Variants in INCENP observed in about 807,000 individuals in gnomAD.
INCENP encodes inner centromere protein, also known as binds and activates aurora-B and -C in vivo and in vitro.
In INCENP, 43 loss-of-function variants were observed where a neutral mutation model predicts 107.3. That is an observed-to-expected ratio of 0.40 (90% CI 0.31 to 0.52). The LOEUF is 0.52. Among genes scored for constraint, INCENP ranks in the 20% least tolerant of loss-of-function variants. The pLI is 0.53. For synonymous variants in INCENP, 488 were observed against 494.4 expected (o/e 0.99, Z 0.17); for missense variants, 1,089 against 1,250.9 (o/e 0.87, Z 1.95).
Position 62,138,991 on chromosome 11 carries a change from C to G in INCENP, c.1277C>G (p.Ser426Cys). 1.2e-6 allele frequency: 2 copies of G among 1,613,408 alleles called. No homozygotes were observed. Among genetic ancestry groups the G allele is most frequent in the South Asian group, 2.2e-5 (2 of 91,072 alleles). ...GCAGCCAGCAGCCCGGAAACACCCT[C>G]TGCAGGGCAGCAAGGTGAGGCTTCC... ...KPAASSPETP[S>C]AGQQEAKTDQ... is the part of the protein sequence containing the mutation. The change falls in exon 7 of 19, where the codon TCT (serine) becomes TGT (cysteine). Residue 426 changes from serine (S) to cysteine (C), a missense_variant. By Grantham distance (112) the Ser-to-Cys change is moderately radical. Coordinates refer to ENST00000394818, the MANE Select transcript of INCENP (RefSeq NM_001040694.2).
chr11:62,134,402 TAAA>T lies in INCENP; in HGVS notation c.1064-3414_1064-3412del, dbSNP rs71053016. On this transcript the variant is annotated intron_variant, in intron 4 of 18. Coordinates refer to ENST00000394818, the MANE Select transcript of INCENP (RefSeq NM_001040694.2). ...CACTCCAGACAGAGTGAGACTCTGT[TAAA>T]AAAAAAAAAAAAAAAGCTTTGATTA... Among the ~76,000 whole-genome samples, 11 of 128,446 alleles carry T rather than the reference TAAA, an allele frequency of 8.6e-5. 1 individual carries two copies. The Admixed American group carries it at 9.1e-4, about 11-fold the overall frequency. 84.3% of individuals were successfully genotyped at this position (128,446 alleles called of 152,430 possible). A position where few individuals can be genotyped will look rare whatever the true frequency, so the allele number is the denominator to read the frequency against.
chr11:62,127,285 C>T (rs545769175), intron 1 of INCENP, among the ~76,000 whole-genome samples: 18 of 152,270 alleles, frequency 1.2e-4, no homozygotes, highest in East Asian at 5.8e-4. Flanking sequence ...CTACCTGCCT[C>T]GGCCTCCCAA....
At chr11:62,139,851 G>A (rs1056096912) in intron 7 of INCENP, among the ~76,000 whole-genome samples, 5 of 152,178 alleles carry the variant, frequency 3.3e-5, no homozygotes, top group East Asian at 3.9e-4. Flanking sequence ...CTGCCGCCTC[G>A]ACAGGACCGT....
rs746868775 is a variant in INCENP, at chr11:62,148,777, G to A, written c.2322G>A (p.Glu774=). The A allele has an allele frequency of 3.1e-6, 5 of 1,604,932 alleles. No individual in the cohort carries two copies. The East Asian group carries it at 8.9e-5, about 29-fold the overall frequency. Residue 774 remains glutamate, a synonymous_variant, in exon 17 of 19, where the codon GAG becomes GAA. Coordinates refer to ENST00000394818, the MANE Select transcript of INCENP (RefSeq NM_001040694.2). The stretch of plus-strand genomic sequence containing the variant: ...GTCTGGCTGAGCGGCAGCTGCAGGA[G>A]GAGCAAGAGAAGAAAGCCAAGGAGG... ...QQRLAERQLQ[E]EQEKKAKEAA...
intron 11 of INCENP, 97 bp from the exon 12 acceptor site, chr11:62,144,885 G>A (rs979847227): frequency 2.7e-5 from 29 of 1,089,104 alleles, no homozygotes; most frequent in South Asian, 6.3e-5. Flanking sequence ...TGCCACCCAC[G>A]TGGCTGCAGG....
chr11:62,133,681 G>A (rs760433955), intron 4 of INCENP, among the ~76,000 whole-genome samples: 1 of 152,322 alleles, frequency 6.6e-6, no homozygotes, highest in South Asian at 2.1e-4. Context: ...TCACATGGGC[G>A]TCTTCATCAG....
chr11:62,145,834 C>T (rs1944231585), intron 14 of INCENP, 83 bp downstream of exon 14: 2 of 1,452,712 alleles, frequency 1.4e-6, no homozygotes, highest in Non-Finnish European at 1.8e-6. Flanking sequence ...GGGTGCACCC[C>T]ACCTTGTGGG....
chr11:62,134,447 G>C (rs1417963347), intron 4 of INCENP, among the ~76,000 whole-genome samples: 2 of 147,964 alleles, frequency 1.4e-5, no homozygotes, highest in East Asian at 4.0e-4. Context: ...TATATCTATT[G>C]ATCGTTACTG....
chr11:62,145,809 C>T (rs1351608466), intron 14 of INCENP, 58 bp downstream of exon 14: 3 of 1,520,140 alleles, frequency 2.0e-6, no homozygotes, highest in East Asian at 2.5e-5. Flanking sequence ...TGTCTCAGCA[C>T]CATGGGGCCC....
intron 15 of INCENP, among the ~76,000 whole-genome samples, chr11:62,147,956 C>G (rs965934214): frequency 5.3e-5 from 8 of 152,008 alleles, no homozygotes; most frequent in African/African-American, 1.9e-4. Context: ...CAGTTGAAGC[C>G]CATGGTGGCA....
intron 1 of INCENP, among the ~76,000 whole-genome samples, chr11:62,127,880 C>T (rs755042507): frequency 2.6e-5 from 4 of 151,738 alleles, no homozygotes; most frequent in Admixed American, 6.6e-5. Flanking sequence ...GAACTGTGGA[C>T]TTATGGGGAC....
Position 62,128,413 on chromosome 11 carries a change from G to A in INCENP, c.140+112G>A, listed in dbSNP as rs539680507. On this transcript the variant is annotated intron_variant, in intron 2 of 18. Coordinates refer to ENST00000394818, the MANE Select transcript of INCENP (RefSeq NM_001040694.2). ...GCCTACCTGGCAAAACAGACAGCCT[G>A]TCAGGGCTCCCTGCTGTATACTGTG... The A allele has an allele frequency of 1.1e-3, 1,330 of 1,178,960 alleles. 25 individuals are homozygous for A. In the South Asian group the frequency reaches 0.017, roughly 15 times the overall value. 73.0% of individuals were successfully genotyped at this position (1,178,960 alleles called of 1,614,324 possible).
intron 1 of INCENP, among the ~76,000 whole-genome samples, chr11:62,124,533 C>G (rs895141005): frequency 1.1e-4 from 17 of 152,376 alleles, no homozygotes; most frequent in African/African-American, 4.1e-4. Context: ...TTAAACCCCT[C>G]TCTCAACGCC....
chr11:62,130,933 G>T (rs938574146), intron 4 of INCENP, among the ~76,000 whole-genome samples: 1 of 152,240 alleles, frequency 6.6e-6, no homozygotes, highest in Non-Finnish European at 1.5e-5. Context: ...GCTTCGGGAA[G>T]GTCGGCCACT....
At chr11:62,124,614 A>T (rs1181089935) in intron 1 of INCENP, among the ~76,000 whole-genome samples, 1 of 152,150 alleles carries the variant, frequency 6.6e-6, no homozygotes, top group Non-Finnish European at 1.5e-5. Context: ...TCACTCCCCA[A>T]GCCTGTTCGC....
At position 62,150,204 on chromosome 11, in the gene INCENP, C is replaced by A; in HGVS notation, c.2539C>A (p.Arg847=). The change falls in exon 18 of 19, where the codon CGA becomes AGA. Residue 847 remains arginine, a synonymous_variant. Coordinates refer to ENST00000394818, the MANE Select transcript of INCENP (RefSeq NM_001040694.2). ...CCGGAAGCCCATCCCCACCTGGGCC[C>A]GAGGTAAGCAAAGCCCACAGCTCCC... ...HPRKPIPTWA[R]GTPLSQAIIH... is the part of the protein sequence containing the mutation. The A allele has an allele frequency of 6.2e-7, 1 of 1,613,870 alleles. No homozygotes were observed. The highest frequency in any genetic ancestry group is 8.5e-7 in the Non-Finnish European group (1 of 1,179,978).
At chr11:62,128,730 C>A in intron 2 of INCENP, 40 bp from the exon 3 acceptor site, 1 of 1,435,636 alleles carries the variant, frequency 7.0e-7, no homozygotes. Flanking sequence ...ACCAGTGGTT[C>A]CCAGGCAGCC....
rs1395449897 is a variant in INCENP at position 62,141,517 on chromosome 11, T to A, written c.1605+6T>A. 6.2e-7 allele frequency: 1 copy of A among 1,613,896 alleles called. No individual in the cohort carries two copies. Among genetic ancestry groups the A allele is most frequent in the Non-Finnish European group, 8.5e-7 (1 of 1,179,882 alleles). On this transcript the variant is annotated splice_donor_region_variant and intron_variant, in intron 11 of 18. Transcript: ENST00000394818. Reference sequence around the variant, plus strand: ...CTCCACAGTGCAGCTTCGTCGTAAGTAAAGCCTTTTCCTGTCGGTAACCTC... The same window carrying A: ...CTCCACAGTGCAGCTTCGTCGTAAGAAAAGCCTTTTCCTGTCGGTAACCTC...
chr11:62,130,607 G>A lies in INCENP; in HGVS notation c.1063+17G>A, dbSNP rs773493967. 2.5e-5 allele frequency: 40 copies of A among 1,596,738 alleles called. No individual in the cohort carries two copies. The highest frequency in any genetic ancestry group is 1.2e-5 in the Non-Finnish European group (14 of 1,171,066). On this transcript the variant is annotated intron_variant, in intron 4 of 18. Coordinates refer to ENST00000394818, the MANE Select transcript of INCENP (RefSeq NM_001040694.2). The stretch of plus-strand genomic sequence containing the variant: ...GCATCATCTGTGAGTCTGGGGGCTT[G>A]GCAGTGGCGGGTGGTCCTTGGTGCC...
Sources: allele counts gnomAD v4.1 joint callset (sites outside exome capture counted in the v4.1 genomes callset), GRCh38; gene constraint gnomAD v4.1.1; transcripts MANE v1.5; gene names NCBI Gene and HGNC (gene_info 2026-07-23, HGNC 2026-07-21).